The following ARHGAP5 variants were observed in gnomAD, a reference collection of about 807,000 sequenced individuals.
ARHGAP5 encodes Rho GTPase activating protein 5.
Under a neutral mutation model 116.6 loss-of-function variants are expected in ARHGAP5, and 23 were observed. That is an observed-to-expected ratio of 0.20 (90% CI 0.14 to 0.28). The LOEUF is 0.28. Ranked by LOEUF, ARHGAP5 falls within the 10% of genes least tolerant of loss-of-function variation. The probability of loss-of-function intolerance (pLI) is 1.00; values close to 1 mark genes in which losing one functional copy is unlikely to be tolerated. For synonymous variants in ARHGAP5, 574 were observed against 602.0 expected, an observed-to-expected ratio of 0.95 and a Z score of 0.68; for missense variants, 1,405 against 1,774.8, an observed-to-expected ratio of 0.79 and a Z score of 3.74.
At chr14:32,132,536 G>T (rs1270588783) in intron 3 of ARHGAP5, among the ~76,000 whole-genome samples, 4 of 152,108 alleles carry the variant, frequency 2.6e-5, no homozygotes, top group African/African-American at 9.7e-5. Context: ...TTTGTAGGTT[G>T]CCTGTTCACT....
At position 32,135,323 on chromosome 14, in the gene ARHGAP5, A is replaced by G. The variant is rs566525902; in HGVS notation, c.3866-10940A>G. The stretch of plus-strand genomic sequence containing the variant: ...TAGAGAAGCTGAAAGCAACTCATCT[A>G]TTGGGCCAGAACCAGGAAGTGTTCT... On this transcript the variant is annotated intron_variant, in intron 3 of 6. Transcript: ENST00000345122. Among the ~76,000 whole-genome samples, 8 of 152,336 alleles carry G rather than the reference A, an allele frequency of 5.3e-5. No homozygotes were observed. The South Asian group carries it at 6.2e-4, about 12-fold the overall frequency.
chr14:32,154,760 T>C lies in ARHGAP5; in HGVS notation c.4321T>C (p.Phe1441Leu). 1 of 1,614,198 alleles carries C rather than the reference T, an allele frequency of 6.2e-7. No homozygotes were observed. Among genetic ancestry groups the C allele is most frequent in the Non-Finnish European group, 8.5e-7 (1 of 1,180,022 alleles). ...TKIHQSVVETFIQQCQFFFYN... is the reference protein window; with the variant it reads ...TKIHQSVVETLIQQCQFFFYN... ...GATTCATCAATCTGTTGTTGAAACA[T>C]TCATTCAGCAGTGTCAGTTTTTCTT... Residue 1441 changes from phenylalanine (F) to leucine (L), a missense_variant, in exon 7 of 7, where the codon TTC (phenylalanine) becomes CTC (leucine). Coordinates refer to ENST00000345122, the MANE Select transcript of ARHGAP5 (RefSeq NM_001030055.2).
At chr14:32,117,003 G>A (rs750465628) in intron 2 of ARHGAP5, 137 bp from the exon 3 acceptor site, 16 of 570,560 alleles carry the variant, frequency 2.8e-5, no homozygotes, top group Non-Finnish European at 4.2e-5. Flanking sequence ...TTTATTTAGC[G>A]AGTCATATTG....
At chr14:32,128,803 A>G (rs1189793468) in intron 3 of ARHGAP5, among the ~76,000 whole-genome samples, 2 of 152,218 alleles carry the variant, frequency 1.3e-5, no homozygotes, top group Non-Finnish European at 2.9e-5. Context: ...ATCTATATTC[A>G]TAAAAGATAC....
rs749465889 is a variant in ARHGAP5, at chr14:32,093,740, C to G, written c.3071C>G (p.Thr1024Ser). 122 of 1,613,834 alleles carry G rather than the reference C, an allele frequency of 7.6e-5. No individual in the cohort carries two copies. The highest frequency in any genetic ancestry group is 1.0e-4 in the Non-Finnish European group (119 of 1,179,970). ...GGAAATGAGTATCCTATTCATAGTACCCCAAACTGTCATGACCATGAACGC... is the reference window on the plus strand; with the variant it reads ...GGAAATGAGTATCCTATTCATAGTAGCCCAAACTGTCATGACCATGAACGC... ...LEGNEYPIHS[T>S]PNCHDHERNH... Residue 1024 changes from threonine to serine, a missense_variant, in exon 2 of 7, where the codon ACC becomes AGC. Thr to Ser is a moderately conservative substitution (Grantham distance 58). This residue lies in a region of ARHGAP5 where 944 missense variants were observed against 1,095.3 expected (regional missense o/e 0.86). Coordinates refer to ENST00000345122, the MANE Select transcript of ARHGAP5 (RefSeq NM_001030055.2).
chr14:32,141,788 G>T (rs1594390748), intron 3 of ARHGAP5, among the ~76,000 whole-genome samples: 2 of 152,080 alleles, frequency 1.3e-5, no homozygotes, highest in Non-Finnish European at 2.9e-5. Context: ...AGAATTTTTG[G>T]TTTGCAGGGT....
At chr14:32,104,393 G>C (rs776641387) in intron 2 of ARHGAP5, among the ~76,000 whole-genome samples, 25 of 152,156 alleles carry the variant, frequency 1.6e-4, no homozygotes, top group Non-Finnish European at 3.2e-4. Flanking sequence ...TGATAAGTAT[G>C]TACAAAAACC....
intron 6 of ARHGAP5, 170 bp from the exon 7 acceptor site, chr14:32,154,451 G>C: frequency 1.6e-6 from 1 of 632,288 alleles, no homozygotes; most frequent in Non-Finnish European, 2.7e-6. Context: ...ACCTGGCCCA[G>C]GAAAAGTTTT....
rs927938018 is a variant in ARHGAP5, at chr14:32,077,952, T to G, written c.-169+517T>G. The stretch of plus-strand genomic sequence containing the variant: ...GGGGGATCGGCCCTTTCACTTTCCC[T>G]CATCTCCTCGACTCCTCCCTGGGTT... On this transcript the variant is annotated intron_variant, in intron 1 of 6. Coordinates refer to ENST00000345122, the MANE Select transcript of ARHGAP5 (RefSeq NM_001030055.2). Among the ~76,000 whole-genome samples, 6 of 152,088 alleles carry G rather than the reference T, an allele frequency of 3.9e-5. No homozygotes were observed. The East Asian group carries it at 5.8e-4, about 15-fold the overall frequency.
chr14:32,147,911 G>C (rs1301275310), intron 4 of ARHGAP5, among the ~76,000 whole-genome samples: 1 of 152,158 alleles, frequency 6.6e-6, no homozygotes, highest in Non-Finnish European at 1.5e-5. Flanking sequence ...CTAGCACTTT[G>C]GGAGGCCAAG....
At chr14:32,138,992 A>G (rs146805483) in intron 3 of ARHGAP5, among the ~76,000 whole-genome samples, 3 of 151,590 alleles carry the variant, frequency 2.0e-5, no homozygotes, top group Admixed American at 1.3e-4. Flanking sequence ...GATTTATTCT[A>G]TTAATGTGGC....
In ARHGAP5 at chr14:32,158,334, A is replaced by G. The variant is rs1485261405; in HGVS notation, c.*3386A>G. On this transcript the variant is annotated 3_prime_UTR_variant, in exon 7 of 7. Transcript: ENST00000345122. ...GGGGATGTATATAGGTGAAAATTTGATTTTTTAAATTATCAGGAAAACAAG... is the reference window on the plus strand; with the variant it reads ...GGGGATGTATATAGGTGAAAATTTGGTTTTTTAAATTATCAGGAAAACAAG... 1 of 151,948 alleles carries G rather than the reference A, an allele frequency of 6.6e-6. No individual in the cohort carries two copies. The highest frequency in any genetic ancestry group is 1.5e-5 in the Non-Finnish European group (1 of 67,848). The allele number at this position is 151,948 out of a possible 1,614,324, so 9.4% of individuals were successfully genotyped here.
chr14:32,115,620 C>CCT (rs1555357256), intron 2 of ARHGAP5, among the ~76,000 whole-genome samples: 4 of 126,970 alleles, frequency 3.2e-5, no homozygotes, highest in East Asian at 2.5e-4. Context: ...GAGCCGAGAT[C>CCT]GCGCCACTGC....
chr14:32,143,947 A>G (rs1189664637), intron 3 of ARHGAP5, among the ~76,000 whole-genome samples: 2 of 152,162 alleles, frequency 1.3e-5, no homozygotes, highest in Admixed American at 6.5e-5. Flanking sequence ...TAGCCTTCCT[A>G]CAATTTTGAC....
At chr14:32,108,720 C>T (rs1397730872) in intron 2 of ARHGAP5, among the ~76,000 whole-genome samples, 1 of 151,800 alleles carries the variant, frequency 6.6e-6, no homozygotes, top group African/African-American at 2.4e-5. Context: ...GGTTGAAAGT[C>T]ATTGGAGTAA....
intron 3 of ARHGAP5, among the ~76,000 whole-genome samples, chr14:32,143,814 C>G (rs973014865): frequency 2.6e-5 from 4 of 152,134 alleles, no homozygotes; most frequent in Non-Finnish European, 5.9e-5. Flanking sequence ...ATGTTTATCA[C>G]TGTGGAAGGG....
At chr14:32,144,699 G>A (rs538179721) in intron 3 of ARHGAP5, among the ~76,000 whole-genome samples, 2 of 152,022 alleles carry the variant, frequency 1.3e-5, no homozygotes, top group South Asian at 4.1e-4. Flanking sequence ...GGCCAGGCTT[G>A]TCTCAAACTC....
chr14:32,133,337 C>T (rs949301661), intron 3 of ARHGAP5, among the ~76,000 whole-genome samples: 2 of 152,160 alleles, frequency 1.3e-5, no homozygotes, highest in African/African-American at 4.8e-5. Flanking sequence ...ATTTTATTCT[C>T]TTTGAAGCAA....
chr14:32,132,549 G>A (rs1158755011), intron 3 of ARHGAP5, among the ~76,000 whole-genome samples: 2 of 152,200 alleles, frequency 1.3e-5, no homozygotes, highest in African/African-American at 4.8e-5. Flanking sequence ...TGTTCACTCT[G>A]ATGGTAGTTT....
Sources: allele counts gnomAD v4.1 joint callset (sites outside exome capture counted in the v4.1 genomes callset), GRCh38; gene constraint gnomAD v4.1.1; regional missense constraint gnomAD v4.1.1; transcripts MANE v1.5; gene names NCBI Gene and HGNC (gene_info 2026-07-23, HGNC 2026-07-21).